Variants in SPTAN1 observed in about 807,000 individuals in gnomAD.
The protein encoded by SPTAN1 is spectrin alpha chain, non-erythrocytic 1.
A neutral mutation model predicts 331.3 loss-of-function variants in SPTAN1; 61 were observed. That is an observed-to-expected ratio of 0.18 (90% CI 0.15 to 0.23). SPTAN1 has a LOEUF of 0.23. SPTAN1 is among the 10% of genes least tolerant of loss of function. SPTAN1 has a pLI of 1.00. For missense variants in SPTAN1, 2,043 were observed against 3,147.9 expected (o/e 0.65, Z 8.40); for synonymous variants, 1,153 against 1,173.9 (o/e 0.98, Z 0.36).
At chr9:128,605,259 C>G (rs370754689) in intron 30 of SPTAN1, 37 bp from the exon 31 acceptor site, 8 of 1,614,062 alleles carry the variant, frequency 5.0e-6, no homozygotes, top group Admixed American at 1.7e-5. Flanking sequence ...GAGCATACCC[C>G]CTTACTGCAA....
intron 1 of SPTAN1, chr9:128,555,508 A>T (rs1457633315): frequency 1.2e-6 from 1 of 845,190 alleles, no homozygotes; most frequent in East Asian, 6.8e-5. Context: ...AGGGGGAAAA[A>T]AACCCTGCCT....
Position 128,627,871 on chromosome 9 carries a change from G to A in SPTAN1, c.6690-54G>A. ...TCTTCTCTCTGTCCCCCCGATTGCT[G>A]CTGTTGTCCGGACACCACCTTGTCT... On this transcript the variant is annotated intron_variant, in intron 50 of 56. Transcript: ENST00000372739. This position sits in a 1 kb window ranked among gnomAD's most constrained non-coding sequence, Gnocchi z 4.9. The A allele has an allele frequency of 6.2e-7, 1 of 1,608,060 alleles. No individual in the cohort carries two copies. Among genetic ancestry groups the A allele is most frequent in the Non-Finnish European group, 8.5e-7 (1 of 1,174,412 alleles).
At position 128,630,274 on chromosome 9, in the gene SPTAN1, G is replaced by A. The variant is rs7866175; in HGVS notation, c.6708-47G>A. ...GAGAGAAGGTTCATTCTGAGCTCTC[G>A]GCCAGCTGGGAGCAGGCCCCTTTCC... On this transcript the variant is annotated intron_variant, in intron 51 of 56. Transcript: ENST00000372739. 1,585,290 of 1,608,828 alleles carry A rather than the reference G, an allele frequency of 0.99. 782,837 individuals are homozygous for A. The highest frequency in any genetic ancestry group is 1 in the Non-Finnish European group (1,174,444 of 1,175,380).
chr9:128,632,516 G>A (rs766064385), intron 54 of SPTAN1, 32 bp downstream of exon 54: 7 of 1,614,104 alleles, frequency 4.3e-6, no homozygotes, highest in South Asian at 1.1e-5. Flanking sequence ...CTGGCTGGGT[G>A]GGGGGTGTTC....
intron 22 of SPTAN1, 70 bp downstream of exon 22, chr9:128,591,695 G>A (rs1270257238): frequency 1.9e-6 from 3 of 1,600,272 alleles, no homozygotes; most frequent in Non-Finnish European, 1.7e-6. Context: ...ATGGGCCGAA[G>A]CTTAGGCGTG....
Position 128,584,822 on chromosome 9 carries a change from G to A in SPTAN1, c.2539G>A (p.Gly847Arg). The A allele has an allele frequency of 6.2e-7, 1 of 1,614,170 alleles. No homozygotes were observed. The highest frequency in any genetic ancestry group is 8.5e-7 in the Non-Finnish European group (1 of 1,180,040). The change falls in exon 18 of 57, where the codon GGG (glycine) becomes AGG (arginine). Residue 847 changes from glycine to arginine, a missense_variant. Coordinates refer to ENST00000372739, the MANE Select transcript of SPTAN1 (RefSeq NM_001130438.3). ...EPRIKAVTQK[G>R]NAMVEEGHFA... ...ACGCATCAAAGCAGTTACACAGAAG[G>A]GGAATGCCATGGTGGAGGAAGGTGA...
intron 29 of SPTAN1, 71 bp from the exon 30 acceptor site, chr9:128,604,958 ATAAAT>A: frequency 2.1e-6 from 3 of 1,416,062 alleles, no homozygotes; most frequent in Non-Finnish European, 2.9e-6. Context: ...AAATAAATAA[ATAAAT>A]TTTTTTTAGT....
rs372907681 is a variant in SPTAN1, at chr9:128,575,185, T to C, written c.505-14T>C. On this transcript the variant is annotated splice_polypyrimidine_tract_variant and intron_variant, in intron 4 of 56. Coordinates refer to ENST00000372739, the MANE Select transcript of SPTAN1 (RefSeq NM_001130438.3). ...TTGGTTGGTGACTCTGGCTCTCTTA[T>C]GGTCCCTGAATAGGAAGCAATTGTT... 317 of 1,614,188 alleles carry C rather than the reference T, an allele frequency of 2.0e-4. No homozygotes were observed. The highest frequency in any genetic ancestry group is 1.5e-3 in the Middle Eastern group (9 of 6,062).
intron 1 of SPTAN1, among the ~76,000 whole-genome samples, chr9:128,566,062 T>C (rs956232799): frequency 3.3e-5 from 5 of 152,136 alleles, no homozygotes; most frequent in Admixed American, 2.6e-4. Context: ...TAAAATGGCA[T>C]ATTCTTTGTT....
At chr9:128,618,488 T>G (rs1050348465) in intron 43 of SPTAN1, among the ~76,000 whole-genome samples, 2 of 151,592 alleles carry the variant, frequency 1.3e-5, no homozygotes, top group African/African-American at 4.8e-5. Flanking sequence ...TTGTGAATGT[T>G]TTTGTTTTTG....
chr9:128,614,452 C>T (rs533995158), intron 40 of SPTAN1, among the ~76,000 whole-genome samples: 4 of 151,694 alleles, frequency 2.6e-5, no homozygotes, highest in African/African-American at 7.3e-5. Context: ...ATTAGCAGGG[C>T]GTGGCATGTG....
intron 3 of SPTAN1, among the ~76,000 whole-genome samples, chr9:128,571,794 G>A (rs572776196): frequency 6.6e-6 from 1 of 152,118 alleles, no homozygotes; most frequent in Non-Finnish European, 1.5e-5. Flanking sequence ...ACAGTTGATA[G>A]ATGACTGAAC....
chr9:128,564,621 G>A (rs369508829), intron 1 of SPTAN1, among the ~76,000 whole-genome samples: 16 of 152,064 alleles, frequency 1.1e-4, no homozygotes, highest in South Asian at 4.1e-4. Flanking sequence ...CAAATATTAG[G>A]TTGCTCGGTG....
At chr9:128,622,518 CGA>C (rs952659455) in intron 45 of SPTAN1, among the ~76,000 whole-genome samples, 26 of 151,926 alleles carry the variant, frequency 1.7e-4, no homozygotes, top group African/African-American at 6.0e-4. Context: ...AGGCTGGTCT[CGA>C]ACTCCTGACC....
intron 45 of SPTAN1, among the ~76,000 whole-genome samples, chr9:128,623,724 T>C (rs1858274432): frequency 6.9e-6 from 1 of 144,938 alleles, no homozygotes; most frequent in African/African-American, 2.5e-5. Context: ...TCTGCCCACC[T>C]CAGCCTCCCA....
Position 128,582,855 on chromosome 9 carries a change from G to C in SPTAN1, c.1806+6G>C, listed in dbSNP as rs760820851. 129 of 1,612,150 alleles carry C rather than the reference G, an allele frequency of 8.0e-5. No homozygotes were observed. Among genetic ancestry groups the C allele is most frequent in the Non-Finnish European group, 1.1e-4 (126 of 1,180,004 alleles). ...CCACAGATGAAGCTTATAAAGTAATGTACTGTTAGTGTTGCCATGTAGCAC... is the reference window on the plus strand; with the variant it reads ...CCACAGATGAAGCTTATAAAGTAATCTACTGTTAGTGTTGCCATGTAGCAC... On this transcript the variant is annotated splice_donor_region_variant and intron_variant, in intron 14 of 56. Transcript: ENST00000372739.
chr9:128,574,603 A>G (rs1851094149), intron 3 of SPTAN1, 72 bp from the exon 4 acceptor site: 1 of 1,585,316 alleles, frequency 6.3e-7, no homozygotes. Flanking sequence ...TAACTTGTCT[A>G]AACTCTATGG....
chr9:128,627,923 A>G lies in SPTAN1; in HGVS notation c.6690-2A>G, dbSNP rs1859018187. The G allele has an allele frequency of 1.2e-6, 2 of 1,613,996 alleles. No homozygotes were observed. The highest frequency in any genetic ancestry group is 1.7e-6 in the Non-Finnish European group (2 of 1,179,998). On this transcript the variant is annotated splice_acceptor_variant, in intron 50 of 56. Transcript: ENST00000372739. LOFTEE classifies it high-confidence loss of function. The surrounding 1 kb of genome is among the most constrained non-coding windows in gnomAD (Gnocchi z 4.9). ...CCGGCTGCTTGGATCTGCTCTCCAC[A>G]GGACATACCTCCTCGATGGGTTAAT... is the stretch of plus-strand genomic sequence containing the variant.
chr9:128,633,508 T>G lies in SPTAN1; in HGVS notation c.*174T>G, dbSNP rs770483554. The stretch of plus-strand genomic sequence containing the variant: ...GCTTCCGGTCCAGTCACAATCATCA[T>G]GTCACTGTGGGGACCCAGATCTGTG... On this transcript the variant is annotated 3_prime_UTR_variant, in exon 57 of 57. Coordinates refer to ENST00000372739, the MANE Select transcript of SPTAN1 (RefSeq NM_001130438.3). The G allele has an allele frequency of 1.2e-5, 14 of 1,209,572 alleles. No homozygotes were observed. The highest frequency in any genetic ancestry group is 1.7e-5 in the Non-Finnish European group (14 of 840,908). The allele number at this position is 1,209,572 out of a possible 1,614,324, so 74.9% of individuals were successfully genotyped here.
Sources: gnomAD v4.1 joint callset for allele counts (sites outside exome capture counted in the v4.1 genomes callset) on GRCh38, gnomAD v4.1.1 for gene constraint, Gnocchi (gnomAD v3.1) non-coding constraint, MANE v1.5 for transcripts, NCBI Gene and HGNC (gene_info 2026-07-23, HGNC 2026-07-21) for gene names.